Variants in TLL1 observed in about 807,000 individuals in gnomAD.
TLL1 encodes the protein tolloid-like protein 1.
Under a neutral mutation model 128.2 loss-of-function variants are expected in TLL1, and 49 were observed. The observed-to-expected ratio is 0.38, with a 90% CI of 0.30 to 0.48. The LOEUF (loss-of-function observed/expected upper bound fraction) is 0.48, where lower values mean the gene tolerates loss of function less well. TLL1 is among the 20% of genes least tolerant of loss of function. The probability of loss-of-function intolerance (pLI) is 0.96; values close to 1 mark genes in which losing one functional copy is unlikely to be tolerated. For synonymous variants in TLL1, 454 were observed against 418.8 expected, an observed-to-expected ratio of 1.08 and a Z score of -1.03; for missense variants, 1,123 against 1,242.0, an observed-to-expected ratio of 0.90 and a Z score of 1.44.
At chr4:166,091,054 TTCTG>T in intron 18 of TLL1, 70 bp from the exon 19 acceptor site, 2 of 1,298,600 alleles carry the variant, frequency 1.5e-6, no homozygotes, top group Non-Finnish European at 1.1e-6. Flanking sequence ...TGATATGTAT[TTCTG>T]TCCCAAAAAT....
chr4:166,084,534 T>G (rs192397214), intron 18 of TLL1, among the ~76,000 whole-genome samples: 2 of 152,320 alleles, frequency 1.3e-5, no homozygotes, highest in East Asian at 3.9e-4. Context: ...ATTTACGTCT[T>G]TAATTCATTT....
rs1731683493 is a variant in TLL1 at position 165,896,452 on chromosome 4, A to ACGAGAT, written c.169+22380_169+22385dup. Reference sequence around the variant, plus strand: ...TAATCCTTTGGGTATATACCCAGTAACGAGATTGCTGGGTCAAATGGTATT... The same window carrying ACGAGAT: ...TAATCCTTTGGGTATATACCCAGTAACGAGATCGAGATTGCTGGGTCAAATGGTATT... On this transcript the variant is annotated intron_variant, in intron 1 of 20. Coordinates refer to ENST00000061240, the MANE Select transcript of TLL1 (RefSeq NM_012464.5). Among the ~76,000 whole-genome samples, 7 of 150,676 alleles carry ACGAGAT rather than the reference A, an allele frequency of 4.6e-5. 1 individual carries two copies. In the South Asian group the frequency reaches 1.5e-3, roughly 32 times the overall value.
rs773151115 is a variant in TLL1 at position 166,100,762 on chromosome 4, A to C, written c.2928A>C (p.Ser976=). The C allele has an allele frequency of 1.2e-6, 2 of 1,612,868 alleles. No homozygotes were observed. The highest frequency in any genetic ancestry group is 2.7e-5 in the African/African-American group (2 of 74,828). ...CGSGPPEEIY[S]IGDSVLIHFH... Reference sequence around the variant, plus strand: ...TTCAGCCACCAGAAGAGATTTATTCAATTGGAGATTCAGTTTTAATTCATT... The same window carrying C: ...TTCAGCCACCAGAAGAGATTTATTCCATTGGAGATTCAGTTTTAATTCATT... The change falls in exon 21 of 21, where the codon TCA becomes TCC. Residue 976 remains serine, a synonymous_variant. Coordinates refer to ENST00000061240, the MANE Select transcript of TLL1 (RefSeq NM_012464.5).
rs1334466086 is a variant in TLL1, at chr4:166,039,432, C to T, written c.1252C>T (p.Pro418Ser). Residue 418 changes from proline to serine, a missense_variant, in exon 10 of 21, where the codon CCT becomes TCT. By Grantham distance (74) the Pro-to-Ser change is moderately conservative. Coordinates refer to ENST00000061240, the MANE Select transcript of TLL1 (RefSeq NM_012464.5). ...AAGAGACGGGTACTGGAGAAAATCA[C>T]CTCTCCTTGGTAAGATATCCTTTCC... ...EVRDGYWRKS[P>S]LLGRFCGDKL... 6.2e-7 allele frequency: 1 copy of T among 1,610,620 alleles called. No homozygotes were observed. The highest frequency in any genetic ancestry group is 8.5e-7 in the Non-Finnish European group (1 of 1,177,130).
chr4:166,089,262 CAT>C (rs1474622049), intron 18 of TLL1, among the ~76,000 whole-genome samples: 1 of 152,090 alleles, frequency 6.6e-6, no homozygotes, highest in Non-Finnish European at 1.5e-5. Flanking sequence ...CCAATTTTCT[CAT>C]AGTGGTTTCC....
Position 166,007,994 on chromosome 4 carries a change from G to C in TLL1, c.863G>C (p.Gly288Ala). 3.1e-6 allele frequency: 5 copies of C among 1,609,962 alleles called. No homozygotes were observed. Among genetic ancestry groups the C allele is most frequent in the Non-Finnish European group, 3.4e-6 (4 of 1,176,976 alleles). ...KMEPGEVNSL[G>A]ERYDFDSIMH... The stretch of plus-strand genomic sequence containing the variant: ...GAGCCTGGAGAAGTAAACTCACTTG[G>C]AGAAAGATATGATTTCGACAGTATC... Residue 288 changes from glycine (G) to alanine (A), a missense_variant, in exon 7 of 21, where the codon GGA becomes GCA. Around this residue, in one of 3 missense-constraint regions of TLL1, gnomAD observed 480 missense variants for 542.4 expected, o/e 0.89. Transcript: ENST00000061240.
Position 166,055,233 on chromosome 4 carries a change from C to T in TLL1, c.1682C>T (p.Thr561Ile), listed in dbSNP as rs745615485. Residue 561 changes from threonine to isoleucine, a missense_variant, in exon 13 of 21, where the codon ACT (threonine) becomes ATT (isoleucine). By Grantham distance (89) the Thr-to-Ile change is moderately conservative. Coordinates refer to ENST00000061240, the MANE Select transcript of TLL1 (RefSeq NM_012464.5). ...TLWMKFVSDG[T>I]VNKAGFAANF... ...TGGATGAAGTTTGTTTCTGACGGAA[C>T]TGTGAACAAAGCAGGGTTTGCTGCT... 15 of 1,613,674 alleles carry T rather than the reference C, an allele frequency of 9.3e-6. No individual in the cohort carries two copies. The Admixed American group carries it at 2.5e-4, about 27-fold the overall frequency.
chr4:165,995,307 T>A (rs1736824380), intron 5 of TLL1, 129 bp downstream of exon 5: 1 of 748,834 alleles, frequency 1.3e-6, no homozygotes, highest in Non-Finnish European at 2.3e-6. Context: ...GTCTGGATTT[T>A]CCATAAAAAT....
rs189381425 is a variant in TLL1, at chr4:166,062,075, A to G, written c.2007+1887A>G. Among the ~76,000 whole-genome samples the G allele has an allele frequency of 5.3e-5, 8 of 152,170 alleles. No homozygotes were observed. The East Asian group carries it at 1.6e-3, about 30-fold the overall frequency. ...GGGCTCTGTTCTGTTCCATTGATCT[A>G]TATCTCTGTGTTGGTACCAGTACCA... On this transcript the variant is annotated intron_variant, in intron 15 of 20. Transcript: ENST00000061240.
chr4:166,030,502 A>G (rs1299593796), intron 9 of TLL1: 2 of 622,290 alleles, frequency 3.2e-6, no homozygotes, highest in East Asian at 2.9e-5. Flanking sequence ...ACAAATTATA[A>G]AGTTTGATGT....
At chr4:166,033,882 G>A (rs1381689892) in intron 9 of TLL1, among the ~76,000 whole-genome samples, 1 of 151,952 alleles carries the variant, frequency 6.6e-6, no homozygotes, top group Admixed American at 6.6e-5. Context: ...TTTGAACAAG[G>A]GCAGATTGCT....
At chr4:166,051,396 G>A (rs114539699) in intron 12 of TLL1, among the ~76,000 whole-genome samples, 1 of 146,136 alleles carries the variant, frequency 6.8e-6, no homozygotes, top group Non-Finnish European at 1.5e-5. Flanking sequence ...ATCGCCTTTG[G>A]TGTTCTTTTA....
intron 9 of TLL1, chr4:166,030,823 T>C (rs1738733871): frequency 9.8e-7 from 1 of 1,023,600 alleles, no homozygotes; most frequent in Non-Finnish European, 1.2e-6. Context: ...ACATTATAGA[T>C]TATTTTTTAA....
intron 18 of TLL1, among the ~76,000 whole-genome samples, chr4:166,082,861 G>A (rs763670325): frequency 3.1e-4 from 47 of 151,910 alleles, no homozygotes; most frequent in Non-Finnish European, 6.3e-4. Context: ...TATTTTTGTA[G>A]AGTCAGCGTT....
intron 1 of TLL1, among the ~76,000 whole-genome samples, chr4:165,978,119 G>A (rs560271523): frequency 2.0e-4 from 30 of 152,096 alleles, no homozygotes; most frequent in African/African-American, 7.0e-4. Context: ...AAGCCTTATT[G>A]CTTTCTGGTA....
rs759093418 is a variant in TLL1, at chr4:166,065,838, G to T, written c.2163G>T (p.Lys721Asn). 6.2e-7 allele frequency: 1 copy of T among 1,612,752 alleles called. No individual in the cohort carries two copies. Among genetic ancestry groups the T allele is most frequent in the South Asian group, 1.1e-5 (1 of 91,072 alleles). Reference protein sequence around the residue: ...EFKSDNTVSKKGFKAHFFSDK... With the variant: ...EFKSDNTVSKNGFKAHFFSDK... ...AATCTGACAATACTGTATCCAAGAA[G>T]GGCTTCAAAGCACATTTTTTCTCAG... Residue 721 changes from lysine to asparagine, a missense_variant, in exon 16 of 21, where the codon AAG (lysine) becomes AAT (asparagine). By Grantham distance (94) the Lys-to-Asn change is moderately conservative. Around this residue, in one of 3 missense-constraint regions of TLL1, gnomAD observed 634 missense variants for 672.4 expected, o/e 0.94. Coordinates refer to ENST00000061240, the MANE Select transcript of TLL1 (RefSeq NM_012464.5).
chr4:166,065,416 G>A (rs1439831354), intron 15 of TLL1, among the ~76,000 whole-genome samples: 1 of 151,932 alleles, frequency 6.6e-6, no homozygotes, highest in African/African-American at 2.4e-5. Flanking sequence ...TGTATGACAA[G>A]TATCATTTTG....
At chr4:166,018,603 A>T (rs535825094) in intron 8 of TLL1, among the ~76,000 whole-genome samples, 2 of 152,252 alleles carry the variant, frequency 1.3e-5, no homozygotes, top group Admixed American at 1.3e-4. Context: ...TAAACCAATC[A>T]ACAAACAAAA....
intron 7 of TLL1, among the ~76,000 whole-genome samples, chr4:166,014,227 CATT>C (rs1737828830): frequency 6.6e-6 from 1 of 151,958 alleles, no homozygotes; most frequent in Middle Eastern, 3.4e-3. Flanking sequence ...TGAATGTCAT[CATT>C]GAGTTTATAC....
Sources: allele counts gnomAD v4.1 joint callset (sites outside exome capture counted in the v4.1 genomes callset), GRCh38; gene constraint gnomAD v4.1.1; regional missense constraint gnomAD v4.1.1; transcripts MANE v1.5; gene names NCBI Gene and HGNC (gene_info 2026-07-23, HGNC 2026-07-21).